Variants in HPSE2 observed in about 807,000 individuals in gnomAD.
HPSE2 encodes inactive heparanase-2.
HPSE2 carries 38 observed loss-of-function variants against 60.5 expected under a neutral mutation model. That is an observed-to-expected ratio of 0.63 (90% CI 0.48 to 0.82). The LOEUF (loss-of-function observed/expected upper bound fraction) is 0.82, where lower values mean the gene tolerates loss of function less well. Among genes scored for constraint, HPSE2 ranks in the 40% least tolerant of loss-of-function variants. The pLI is 0.00. For missense variants in HPSE2, 713 were observed against 740.4 expected, an observed-to-expected ratio of 0.96 and a Z score of 0.43; for synonymous variants, 295 against 293.2, an observed-to-expected ratio of 1.01 and a Z score of -0.06.
chr10:98,553,851 A>G (rs1564963295), intron 9 of HPSE2, among the ~76,000 whole-genome samples: 1 of 151,946 alleles, frequency 6.6e-6, no homozygotes, highest in Non-Finnish European at 1.5e-5. Context: ...TTTTGTTCTC[A>G]GTGGAATTTC....
intron 9 of HPSE2, among the ~76,000 whole-genome samples, chr10:98,574,270 C>T (rs1288872959): frequency 6.6e-6 from 1 of 151,532 alleles, no homozygotes; most frequent in Non-Finnish European, 1.5e-5. Flanking sequence ...ATTACTGCAG[C>T]ATTAAAAAAC....
chr10:99,237,304 C>G (rs1234006862), upstream of HPSE2, among the ~76,000 whole-genome samples: 1 of 152,156 alleles, frequency 6.6e-6, no homozygotes, highest in African/African-American at 2.4e-5. Flanking sequence ...ATCAAACAAG[C>G]AAAACCCTAA....
intron 3 of HPSE2, among the ~76,000 whole-genome samples, chr10:98,836,343 A>G (rs960387105): frequency 1.3e-5 from 2 of 152,204 alleles, no homozygotes; most frequent in Admixed American, 1.3e-4. Context: ...CCTGAGTTAT[A>G]AAGTAATTTC....
chr10:99,131,877 C>T (rs1348740141), intron 3 of HPSE2, among the ~76,000 whole-genome samples: 2 of 151,682 alleles, frequency 1.3e-5, no homozygotes, highest in African/African-American at 2.4e-5. Context: ...TTTGGGAGGC[C>T]GAGGCAGGAG....
At chr10:99,247,769 C>G in the HPSE2 span, among the ~76,000 whole-genome samples, 1 of 152,132 alleles carries the variant, frequency 6.6e-6, no homozygotes, top group African/African-American at 2.4e-5. Context: ...GGAGGAAGAG[C>G]CTGGTGAGAG....
chr10:99,226,829 C>G (rs1849489624), intron 2 of HPSE2, among the ~76,000 whole-genome samples: 1 of 151,966 alleles, frequency 6.6e-6, no homozygotes, highest in Non-Finnish European at 1.5e-5. Flanking sequence ...AAAGTTCCAC[C>G]CGCTAAGTCC....
At chr10:98,687,845 A>C (rs1947957352) in intron 6 of HPSE2, among the ~76,000 whole-genome samples, 1 of 152,104 alleles carries the variant, frequency 6.6e-6, no homozygotes, top group South Asian at 2.1e-4. Flanking sequence ...TTATATTTAA[A>C]GTGTGTCTCT....
chr10:98,762,408 G>A (rs1000378368), intron 3 of HPSE2, among the ~76,000 whole-genome samples: 7 of 152,004 alleles, frequency 4.6e-5, no homozygotes, highest in African/African-American at 9.7e-5. Flanking sequence ...GAAAATGTTC[G>A]GGGCTGGAGG....
intron 7 of HPSE2, among the ~76,000 whole-genome samples, chr10:98,635,204 T>C (rs564345299): frequency 4.7e-4 from 72 of 152,150 alleles, no homozygotes; most frequent in African/African-American, 1.7e-3. Context: ...TGAAGGCAAA[T>C]AGAATGACTA....
chr10:98,807,314 G>T (rs1589858938), intron 3 of HPSE2, among the ~76,000 whole-genome samples: 1 of 152,044 alleles, frequency 6.6e-6, no homozygotes, highest in South Asian at 2.1e-4. Context: ...TCATATTGCT[G>T]TGTCTGCTAG....
chr10:98,949,429 T>C (rs369334636), intron 3 of HPSE2, among the ~76,000 whole-genome samples: 6 of 119,858 alleles, frequency 5.0e-5, no homozygotes, highest in Admixed American at 4.4e-4. Flanking sequence ...GGTGGCAAAG[T>C]TGTGTCAGAG....
chr10:99,030,639 G>C (rs1204509004), intron 3 of HPSE2, among the ~76,000 whole-genome samples: 2 of 152,102 alleles, frequency 1.3e-5, no homozygotes, highest in Non-Finnish European at 2.9e-5. Context: ...CCCACTGCTG[G>C]CTATATACCC....
intron 2 of HPSE2, among the ~76,000 whole-genome samples, chr10:99,229,617 G>T (rs1217247881): frequency 6.6e-6 from 1 of 152,090 alleles, no homozygotes; most frequent in East Asian, 1.9e-4. Flanking sequence ...AGTAAGCCCT[G>T]GGCCACACAT....
intron 3 of HPSE2, among the ~76,000 whole-genome samples, chr10:98,885,748 A>G (rs955776951): frequency 6.6e-6 from 1 of 152,144 alleles, no homozygotes; most frequent in African/African-American, 2.4e-5. Context: ...TTAATACACT[A>G]TAGTACAGTA....
chr10:98,732,636 A>C (rs1337865889), intron 4 of HPSE2, among the ~76,000 whole-genome samples: 1 of 152,188 alleles, frequency 6.6e-6, no homozygotes, highest in Admixed American at 6.5e-5. Context: ...ATTAACTCCT[A>C]ATAGATTTAG....
chr10:98,538,784 T>C (rs1258287532), intron 9 of HPSE2, among the ~76,000 whole-genome samples: 1 of 152,150 alleles, frequency 6.6e-6, no homozygotes, highest in African/African-American at 2.4e-5. Flanking sequence ...AAAGGACATA[T>C]ATTCATCTCT....
At chr10:99,310,512 T>A in the HPSE2 span, among the ~76,000 whole-genome samples, 1 of 152,236 alleles carries the variant, frequency 6.6e-6, no homozygotes, top group African/African-American at 2.4e-5. Flanking sequence ...GGATATACAG[T>A]GAATTTTAGC....
intron 11 of HPSE2, among the ~76,000 whole-genome samples, chr10:98,476,941 G>T (rs1941048064): frequency 6.6e-6 from 1 of 152,152 alleles, no homozygotes. Flanking sequence ...AATGAACCCA[G>T]ACAATATCAT....
chr10:98,669,747 G>C (rs370163055), intron 6 of HPSE2, among the ~76,000 whole-genome samples: 1 of 152,144 alleles, frequency 6.6e-6, no homozygotes, highest in African/African-American at 2.4e-5. Flanking sequence ...GGGAATGAAG[G>C]GGGTGTGGGA....
Sources: allele counts gnomAD v4.1 joint callset (sites outside exome capture counted in the v4.1 genomes callset), GRCh38; gene constraint gnomAD v4.1.1; transcripts MANE v1.5; gene names NCBI Gene and HGNC (gene_info 2026-07-23, HGNC 2026-07-21).